Variants in IL17D observed in about 807,000 individuals in gnomAD.
The protein encoded by IL17D is interleukin 17D, also known as interleukin-17D.
In IL17D, 10 loss-of-function variants were observed where a neutral mutation model predicts 5.7. The observed-to-expected ratio is 1.75, with a 90% CI of 1.08 to 2.97. The LOEUF (loss-of-function observed/expected upper bound fraction) is 2.97. IL17D is among the 30% of genes most tolerant of loss of function. IL17D has a pLI of 0.00. For synonymous variants in IL17D, 172 were observed against 141.7 expected, an observed-to-expected ratio of 1.21 and a Z score of -1.52; for missense variants, 354 against 292.7, an observed-to-expected ratio of 1.21 and a Z score of -1.53.
intron 1 of IL17D, among the ~76,000 whole-genome samples, chr13:20,718,590 C>A (rs2058699808): frequency 7.1e-6 from 1 of 140,056 alleles, no homozygotes; most frequent in Non-Finnish European, 1.5e-5. Context: ...CCTGCCCCCA[C>A]ACACCTGCCC....
Position 20,716,074 on chromosome 13 carries a change from T to A in IL17D, c.291-5562T>A, listed in dbSNP as rs1258982306. On this transcript the variant is annotated intron_variant, in intron 1 of 1. Coordinates refer to ENST00000682841, the MANE Select transcript of IL17D (RefSeq NM_001385224.1). The surrounding 1 kb of genome is among the most constrained non-coding windows in gnomAD (Gnocchi z 4.2). ...TAACAGGAGTCCCATATAGGCCTCA[T>A]GCCGGTGGTCTGAAAACCACATTTT... The A allele has an allele frequency of 1.0e-6, 1 of 985,136 alleles. No homozygotes were observed. The highest frequency in any genetic ancestry group is 1.2e-6 in the Non-Finnish European group (1 of 829,742). 61.0% of individuals were successfully genotyped at this position (985,136 alleles called of 1,614,324 possible).
rs9509348 is a variant in IL17D, at chr13:20,716,178, A to G, written c.291-5458A>G. ...CAGGACTCTCAGCTCTTGGAGAGGG[A>G]TGCTACATGTCCCTCAGTGTCCCCA... On this transcript the variant is annotated intron_variant, in intron 1 of 1. Transcript: ENST00000682841. The surrounding 1 kb of genome is among the most constrained non-coding windows in gnomAD (Gnocchi z 4.2). 0.46 allele frequency: 361,510 copies of G among 790,086 alleles called. 87,473 individuals are homozygous for G. Among genetic ancestry groups the G allele is most frequent in the Non-Finnish European group, 0.5 (322,785 of 651,634 alleles). The allele number at this position is 790,086 out of a possible 1,614,324, so 48.9% of individuals were successfully genotyped here. A position where few individuals can be genotyped will look rare whatever the true frequency, so the allele number is the denominator to read the frequency against.
rs2058680664 is a variant in IL17D, at chr13:20,716,569, G to T, written c.291-5067G>T. Reference sequence around the variant, plus strand: ...CTTCACTTTGCAAAGAACCAGGCAAGGTGGAGTTCTCTGCCCAAGGTTACT... The same window carrying T: ...CTTCACTTTGCAAAGAACCAGGCAATGTGGAGTTCTCTGCCCAAGGTTACT... On this transcript the variant is annotated intron_variant, in intron 1 of 1. Transcript: ENST00000682841. This position sits in a 1 kb window ranked among gnomAD's most constrained non-coding sequence, Gnocchi z 4.2. Among the ~76,000 whole-genome samples the T allele has an allele frequency of 6.6e-6, 1 of 152,210 alleles. No homozygotes were observed. The highest frequency in any genetic ancestry group is 2.4e-5 in the African/African-American group (1 of 41,436).
chr13:20,720,873 A>AC (rs1566522176), intron 1 of IL17D, among the ~76,000 whole-genome samples: 107 of 36,074 alleles, frequency 3.0e-3, no homozygotes, highest in South Asian at 5.8e-3. Context: ...CCTCCCTCCC[A>AC]ACCCCCCCCC....
intron 1 of IL17D, among the ~76,000 whole-genome samples, chr13:20,714,872 G>A (rs2058666520): frequency 6.6e-6 from 1 of 152,214 alleles, no homozygotes; most frequent in African/African-American, 2.4e-5. Context: ...TGGAAGGAGG[G>A]TGGAGCTGAT....
chr13:20,702,726 C>T (rs1566516060), upstream of IL17D: 1 of 152,126 alleles, frequency 6.6e-6, no homozygotes, highest in South Asian at 2.1e-4. Flanking sequence ...CAAGAGATGC[C>T]CATGAACAGC....
intron 1 of IL17D, 23 bp downstream of exon 1, chr13:20,704,314 C>T (rs951328698): frequency 2.3e-5 from 9 of 383,544 alleles, no homozygotes; most frequent in African/African-American, 2.7e-5. Context: ...CGCGTCCTGG[C>T]GGGGCCCGGC....
At chr13:20,712,534 G>A (rs961759710) in intron 1 of IL17D, 6 of 152,446 alleles carry the variant, frequency 3.9e-5, no homozygotes, top group Non-Finnish European at 8.8e-5. Flanking sequence ...AGGTTGCGGT[G>A]AGCCGAGATC....
rs1238021125 is a variant in IL17D, at chr13:20,716,737, A to T, written c.291-4899A>T. Among the ~76,000 whole-genome samples the T allele has an allele frequency of 1.3e-5, 2 of 152,188 alleles. No individual in the cohort carries two copies. Among genetic ancestry groups the T allele is most frequent in the African/African-American group, 2.4e-5 (1 of 41,436 alleles). On this transcript the variant is annotated intron_variant, in intron 1 of 1. Coordinates refer to ENST00000682841, the MANE Select transcript of IL17D (RefSeq NM_001385224.1). This position sits in a 1 kb window ranked among gnomAD's most constrained non-coding sequence, Gnocchi z 4.2. ...CTACCGAGGCAGGCTGTCTCCACGGACACATTTCGGTGCTTGTGGGTTCTA... is the reference window on the plus strand; with the variant it reads ...CTACCGAGGCAGGCTGTCTCCACGGTCACATTTCGGTGCTTGTGGGTTCTA...
chr13:20,712,176 C>G (rs1691419618), intron 1 of IL17D, among the ~76,000 whole-genome samples: 1 of 152,236 alleles, frequency 6.6e-6, no homozygotes. Context: ...AGGTACTGTT[C>G]GCATCACTTT....
Position 20,721,756 on chromosome 13 carries a change from C to T in IL17D, c.411C>T (p.Tyr137=). The change falls in exon 2 of 2, where the codon TAC becomes TAT. Residue 137 remains tyrosine (Y), a synonymous_variant. Coordinates refer to ENST00000682841, the MANE Select transcript of IL17D (RefSeq NM_001385224.1). ...EDVRFRSAPV[Y]MPTVVLRRTP... is the part of the protein sequence containing the mutation. Reference sequence around the variant, plus strand: ...TGCGCTTCCGCAGCGCCCCTGTCTACATGCCCACCGTCGTCCTGCGCCGCA... The same window carrying T: ...TGCGCTTCCGCAGCGCCCCTGTCTATATGCCCACCGTCGTCCTGCGCCGCA... The T allele has an allele frequency of 6.2e-7, 1 of 1,610,314 alleles. No homozygotes were observed.
intron 1 of IL17D, among the ~76,000 whole-genome samples, chr13:20,710,893 A>G (rs2058631520): frequency 6.6e-6 from 1 of 152,192 alleles, no homozygotes; most frequent in Admixed American, 6.6e-5. Context: ...GTCGGGAGGT[A>G]AACAAAGAAA....
chr13:20,722,242 G>A lies in IL17D; in HGVS notation c.*288G>A. 1 of 402,152 alleles carries A rather than the reference G, an allele frequency of 2.5e-6. No individual in the cohort carries two copies. Among genetic ancestry groups the A allele is most frequent in the Non-Finnish European group, 4.4e-6 (1 of 226,508 alleles). 24.9% of individuals were successfully genotyped at this position (402,152 alleles called of 1,614,324 possible). A position where few individuals can be genotyped will look rare whatever the true frequency, so the allele number is the denominator to read the frequency against. On this transcript the variant is annotated 3_prime_UTR_variant, in exon 2 of 2. Coordinates refer to ENST00000682841, the MANE Select transcript of IL17D (RefSeq NM_001385224.1). ...CATGGAGGGTTTGGAAAAGTTCACG[G>A]AGGCTCCCTGAGGAGCCTCTCAGAT...
At chr13:20,704,987 A>G (rs996866477) in intron 1 of IL17D, among the ~76,000 whole-genome samples, 7 of 152,284 alleles carry the variant, frequency 4.6e-5, no homozygotes, top group African/African-American at 1.7e-4. Context: ...TTTCGAGAGT[A>G]TTTTGGTCTT....
intron 1 of IL17D, among the ~76,000 whole-genome samples, chr13:20,712,006 C>T (rs1801751101): frequency 1.3e-5 from 2 of 152,316 alleles, no homozygotes; most frequent in South Asian, 2.1e-4. Flanking sequence ...CCATTCACTG[C>T]GACCTGTTTC....
rs1184665816 is a variant in IL17D at position 20,704,297 on chromosome 13, C to CCG, written c.290+9_290+10dup. ...GTGTCGCCCTGGGCCTACAGGTGAG[C>CCG]CGCGGGCGCGTCCTGGCGGGGCCCG... On this transcript the variant is annotated splice_region_variant and intron_variant, in intron 1 of 1. Transcript: ENST00000682841. 12 of 1,205,630 alleles carry CCG rather than the reference C, an allele frequency of 1.0e-5. No homozygotes were observed. Among genetic ancestry groups the CCG allele is most frequent in the Non-Finnish European group, 1.2e-5 (12 of 972,574 alleles). The allele number at this position is 1,205,630 out of a possible 1,614,324, so 74.7% of individuals were successfully genotyped here.
At chr13:20,718,442 G>A (rs932799925) in intron 1 of IL17D, among the ~76,000 whole-genome samples, 1 of 139,360 alleles carries the variant, frequency 7.2e-6, no homozygotes, top group Non-Finnish European at 1.5e-5. Context: ...TCACACACCC[G>A]CCCATGCTCA....
At chr13:20,704,987 AT>A (rs2058580028) in intron 1 of IL17D, among the ~76,000 whole-genome samples, 1 of 152,168 alleles carries the variant, frequency 6.6e-6, no homozygotes, top group Non-Finnish European at 1.5e-5. Context: ...TTTCGAGAGT[AT>A]TTTGGTCTTG....
rs1330745038 is a variant in IL17D, at chr13:20,703,951, G to T, written c.-51G>T. The T allele has an allele frequency of 4.1e-6, 4 of 973,000 alleles. No individual in the cohort carries two copies. Among genetic ancestry groups the T allele is most frequent in the Non-Finnish European group, 4.9e-6 (4 of 817,392 alleles). 60.3% of individuals were successfully genotyped at this position (973,000 alleles called of 1,614,324 possible). ...GGGACACGGGCGCGGGGCGCAGGCG[G>T]GCTCCTCCGGCGCGTGCGGACGCTG... On this transcript the variant is annotated 5_prime_UTR_variant, in exon 1 of 2. Coordinates refer to ENST00000682841, the MANE Select transcript of IL17D (RefSeq NM_001385224.1).
Sources: gnomAD v4.1 joint callset for allele counts (sites outside exome capture counted in the v4.1 genomes callset) on GRCh38, gnomAD v4.1.1 for gene constraint, Gnocchi (gnomAD v3.1) non-coding constraint, MANE v1.5 for transcripts, NCBI Gene and HGNC (gene_info 2026-07-23, HGNC 2026-07-21) for gene names.